Variants in VSTM2B observed in about 807,000 individuals in gnomAD.
VSTM2B encodes V-set and transmembrane domain-containing protein 2B.
In VSTM2B, 24 loss-of-function variants were observed where a neutral mutation model predicts 24.0. That is an observed-to-expected ratio of 1.00 (90% CI 0.72 to 1.40). The LOEUF is 1.40. VSTM2B is among the 40% of genes most tolerant of loss of function. VSTM2B has a pLI of 0.00. For synonymous variants in VSTM2B, 226 were observed against 194.4 expected (o/e 1.16, Z -1.35); for missense variants, 399 against 416.4 (o/e 0.96, Z 0.36).
intron 4 of VSTM2B, among the ~76,000 whole-genome samples, chr19:29,556,923 G>A (rs1970422141): frequency 6.6e-6 from 1 of 152,188 alleles, no homozygotes; most frequent in African/African-American, 2.4e-5. Flanking sequence ...CTCATGGATA[G>A]GAAGAATCAA....
chr19:29,564,035 G>T lies in VSTM2B; in HGVS notation c.*101G>T. On this transcript the variant is annotated 3_prime_UTR_variant, in exon 5 of 5. Coordinates refer to ENST00000335523, the MANE Select transcript of VSTM2B (RefSeq NM_001146339.2). ...GATGGACACAGAGAGACTGAGAGAC[G>T]CATGAAAAAGTCCACATGGAAAATA... 2 of 855,712 alleles carry T rather than the reference G, an allele frequency of 2.3e-6. No homozygotes were observed. Among genetic ancestry groups the T allele is most frequent in the East Asian group, 2.7e-5 (1 of 36,698 alleles). 53.0% of individuals were successfully genotyped at this position (855,712 alleles called of 1,614,324 possible).
chr19:29,553,615 T>C (rs1970336816), intron 4 of VSTM2B, among the ~76,000 whole-genome samples: 1 of 152,154 alleles, frequency 6.6e-6, no homozygotes, highest in South Asian at 2.1e-4. Flanking sequence ...GATGGATGAA[T>C]TGACAGAAGT....
intron 4 of VSTM2B, among the ~76,000 whole-genome samples, chr19:29,538,333 G>A (rs12978071): frequency 0.059 from 8,981 of 152,218 alleles, 322 homozygotes; most frequent in Middle Eastern, 0.11. Context: ...GGGATAATCC[G>A]TGGAAAGATG....
intron 4 of VSTM2B, among the ~76,000 whole-genome samples, chr19:29,537,341 T>C (rs1443210752): frequency 6.6e-6 from 1 of 152,134 alleles, no homozygotes; most frequent in Non-Finnish European, 1.5e-5. Flanking sequence ...TAGCTGCTGT[T>C]AAACAGCCAG....
intron 4 of VSTM2B, among the ~76,000 whole-genome samples, chr19:29,533,912 C>A (rs977948512): frequency 2.0e-5 from 3 of 152,196 alleles, no homozygotes; most frequent in African/African-American, 7.2e-5. Context: ...GGCAGACGAC[C>A]TTGGGCCTTG....
chr19:29,553,000 G>A lies in VSTM2B; in HGVS notation c.770-10846G>A, dbSNP rs149573906. On this transcript the variant is annotated intron_variant, in intron 4 of 4. Coordinates refer to ENST00000335523, the MANE Select transcript of VSTM2B (RefSeq NM_001146339.2). Reference sequence around the variant, plus strand: ...AGCCCCTCAGGGGAGGGGTGTCTGCGGTCTTCACAGATCAGCAGACTTAGT... The same window carrying A: ...AGCCCCTCAGGGGAGGGGTGTCTGCAGTCTTCACAGATCAGCAGACTTAGT... Among the ~76,000 whole-genome samples the A allele has an allele frequency of 1.7e-4, 26 of 152,268 alleles. 2 individuals are homozygous for A. Among genetic ancestry groups the A allele is most frequent in the Middle Eastern group, 3.4e-3 (1 of 294 alleles).
intron 4 of VSTM2B, among the ~76,000 whole-genome samples, chr19:29,540,707 G>A (rs1970001940): frequency 6.6e-6 from 1 of 152,152 alleles, no homozygotes; most frequent in Non-Finnish European, 1.5e-5. Flanking sequence ...TTATGTGCAG[G>A]AACTTTTCTA....
intron 4 of VSTM2B, among the ~76,000 whole-genome samples, chr19:29,558,294 C>T (rs1300590705): frequency 1.3e-5 from 2 of 152,158 alleles, no homozygotes; most frequent in African/African-American, 4.8e-5. Context: ...TTTTGGGAAA[C>T]AGTGTGGTGA....
chr19:29,558,080 CA>C (rs1331085730), intron 4 of VSTM2B, among the ~76,000 whole-genome samples: 1 of 152,016 alleles, frequency 6.6e-6, no homozygotes, highest in African/African-American at 2.4e-5. Context: ...ATGCAGCCAA[CA>C]AACATGTATA....
chr19:29,552,568 G>A lies in VSTM2B; in HGVS notation c.770-11278G>A, dbSNP rs139110326. On this transcript the variant is annotated intron_variant, in intron 4 of 4. Coordinates refer to ENST00000335523, the MANE Select transcript of VSTM2B (RefSeq NM_001146339.2). ...ATTTCCACAGATCTGTGAAACCTGTGGGTCAGGGGATCTCCCTCATGAGCC... is the reference window on the plus strand; with the variant it reads ...ATTTCCACAGATCTGTGAAACCTGTAGGTCAGGGGATCTCCCTCATGAGCC... 3.0e-3 allele frequency among the ~76,000 whole-genome samples: 458 copies of A among 152,322 alleles called. 3 individuals carry two copies. Among genetic ancestry groups the A allele is most frequent in the South Asian group, 0.016 (77 of 4,822 alleles).
chr19:29,544,290 G>T (rs932161656), intron 4 of VSTM2B, among the ~76,000 whole-genome samples: 1 of 151,816 alleles, frequency 6.6e-6, no homozygotes, highest in South Asian at 2.1e-4. Context: ...ATTTTGGGAG[G>T]CCGAGGCAGG....
chr19:29,547,033 G>A (rs1402376309), intron 4 of VSTM2B, among the ~76,000 whole-genome samples: 2 of 152,152 alleles, frequency 1.3e-5, no homozygotes, highest in East Asian at 3.9e-4. Flanking sequence ...GTGTACACAG[G>A]GGCCAGACTG....
chr19:29,542,465 A>C (rs2145486941), intron 4 of VSTM2B, among the ~76,000 whole-genome samples: 1 of 151,422 alleles, frequency 6.6e-6, no homozygotes, highest in African/African-American at 2.4e-5. Flanking sequence ...TGGTTGGGAG[A>C]ATGAATGGGT....
In VSTM2B at chr19:29,526,907, G is replaced by T; in HGVS notation, c.82+242G>T. ...CGGCTGCGGAAAGGATGCCTGCGGG[G>T]AGCGGGAGTAGGCGCGCCCCAGCCA... On this transcript the variant is annotated intron_variant, in intron 1 of 4. Transcript: ENST00000335523. The surrounding 1 kb of genome is among the most constrained non-coding windows in gnomAD (Gnocchi z 4.1). 2.1e-6 allele frequency: 1 copy of T among 487,180 alleles called. No individual in the cohort carries two copies. Among genetic ancestry groups the T allele is most frequent in the Non-Finnish European group, 3.6e-6 (1 of 280,754 alleles). The allele number at this position is 487,180 out of a possible 1,614,324, so 30.2% of individuals were successfully genotyped here.
At chr19:29,563,802 T>G in intron 4 of VSTM2B, 44 bp from the exon 5 acceptor site, 21 of 1,524,122 alleles carry the variant, frequency 1.4e-5, no homozygotes, top group Non-Finnish European at 1.7e-5. Flanking sequence ...CCTAGGTTCT[T>G]GAGACTCAGG....
At chr19:29,530,423 T>G in intron 4 of VSTM2B, 133 bp downstream of exon 4, 1 of 772,530 alleles carries the variant, frequency 1.3e-6, no homozygotes, top group Non-Finnish European at 1.9e-6. Flanking sequence ...CCTTCCTAGT[T>G]AGGTCGGGAG....
intron 4 of VSTM2B, among the ~76,000 whole-genome samples, chr19:29,535,297 G>A (rs1969860658): frequency 6.6e-6 from 1 of 152,178 alleles, no homozygotes; most frequent in African/African-American, 2.4e-5. Flanking sequence ...AATGGAAAAG[G>A]CACCGCAGTA....
intron 4 of VSTM2B, among the ~76,000 whole-genome samples, chr19:29,544,525 C>CAAAAAAAAAAA (rs58540469): frequency 1.5e-4 from 8 of 54,356 alleles, no homozygotes; most frequent in African/African-American, 6.2e-4. Context: ...GACTCTGTCT[C>CAAAAAAAAAAA]AAAAAAAAAA....
chr19:29,542,844 A>G (rs1425731548), intron 4 of VSTM2B, among the ~76,000 whole-genome samples: 3 of 152,136 alleles, frequency 2.0e-5, no homozygotes, highest in Admixed American at 2.0e-4. Context: ...AATACTGCAC[A>G]CTCATGTCTT....
Sources: allele counts gnomAD v4.1 joint callset (sites outside exome capture counted in the v4.1 genomes callset), GRCh38; gene constraint gnomAD v4.1.1; non-coding constraint Gnocchi (gnomAD v3.1); transcripts MANE v1.5; gene names NCBI Gene and HGNC (gene_info 2026-07-23, HGNC 2026-07-21).